Variants in ZNF735 observed in about 807,000 individuals in gnomAD.
ZNF735 encodes putative zinc finger protein 735.
Under a neutral mutation model 13.4 loss-of-function variants are expected in ZNF735, and 11 were observed. The observed-to-expected ratio is 0.82, with a 90% CI of 0.52 to 1.36. The LOEUF is 1.36. Ranked by LOEUF, ZNF735 falls within the 40% of genes most tolerant of loss-of-function variation. ZNF735 has a pLI of 0.00. For synonymous variants in ZNF735, 171 were observed against 162.6 expected, an observed-to-expected ratio of 1.05 and a Z score of -0.39; for missense variants, 500 against 484.6, an observed-to-expected ratio of 1.03 and a Z score of -0.30.
At chr7:64,213,166 G>C in exon 2 of ZNF735, 1 of 1,613,026 alleles carries the variant, frequency 6.2e-7, no homozygotes, top group African/African-American at 1.3e-5. Context: ...ATGCTCAGCA[G>C]AATTTATATA....
chr7:64,219,675 T>A, exon 4 of ZNF735: 2 of 1,586,600 alleles, frequency 1.3e-6, no homozygotes, highest in Non-Finnish European at 1.7e-6. Context: ...TAATTCATAC[T>A]AAGGAGAAGT....
exon 2 of ZNF735, chr7:64,213,197 T>C (rs1446468248): frequency 2.5e-6 from 4 of 1,607,654 alleles, no homozygotes; most frequent in Non-Finnish European, 3.4e-6. Flanking sequence ...GTTAGAGAAC[T>C]ACAGAAACCT....
At chr7:64,218,115 G>C (rs562067160) in intron 3 of ZNF735, among the ~76,000 whole-genome samples, 1 of 151,980 alleles carries the variant, frequency 6.6e-6, no homozygotes, top group Non-Finnish European at 1.5e-5. Flanking sequence ...CACATGCAGT[G>C]CTTATATGCT....
intron 1 of ZNF735, among the ~76,000 whole-genome samples, chr7:64,210,999 T>G (rs1237958735): frequency 6.6e-6 from 1 of 152,210 alleles, no homozygotes; most frequent in East Asian, 1.9e-4. Context: ...AAGAGCAGTG[T>G]CCACTCTGCC....
intron 1 of ZNF735, among the ~76,000 whole-genome samples, chr7:64,211,680 C>G (rs1787361613): frequency 6.6e-6 from 1 of 151,430 alleles, no homozygotes. Context: ...CCTGGCCAAC[C>G]TGGTGAAACC....
At chr7:64,213,772 AATATGGTGAAACTCCGTCT>A (rs1170309658) in intron 2 of ZNF735, among the ~76,000 whole-genome samples, 1 of 152,002 alleles carries the variant, frequency 6.6e-6, no homozygotes, top group African/African-American at 2.4e-5. Flanking sequence ...CAGCCTGGCT[AATATGGTGAAACTCCGTCT>A]CTACTAAAAA....
At chr7:64,207,285 T>C (rs1459012458) in intron 1 of ZNF735, 44 bp downstream of exon 1, 2 of 1,614,092 alleles carry the variant, frequency 1.2e-6, no homozygotes, top group South Asian at 2.2e-5. Context: ...TGGGAGGTGG[T>C]TGGAACCGGC....
exon 4 of ZNF735, chr7:64,220,119 A>G (rs1344145550): frequency 2.5e-6 from 4 of 1,613,622 alleles, no homozygotes; most frequent in Non-Finnish European, 3.4e-6. Flanking sequence ...ACACATGTGA[A>G]GAATGTGGCA....
intron 1 of ZNF735, among the ~76,000 whole-genome samples, chr7:64,208,089 A>C (rs748693213): frequency 8.5e-5 from 13 of 152,128 alleles, no homozygotes; most frequent in Non-Finnish European, 1.3e-4. Context: ...ATGATGAAGC[A>C]AACCAAATGC....
intron 3 of ZNF735, among the ~76,000 whole-genome samples, chr7:64,215,445 C>T (rs1446951921): frequency 6.6e-6 from 1 of 151,244 alleles, no homozygotes; most frequent in Non-Finnish European, 1.5e-5. Context: ...AGCCTTATCA[C>T]ATGTGATTTT....
chr7:64,216,168 C>A (rs1584215270), intron 3 of ZNF735, among the ~76,000 whole-genome samples: 1 of 151,580 alleles, frequency 6.6e-6, no homozygotes, highest in East Asian at 1.9e-4. Context: ...TAGTGGCGGG[C>A]ACCTATAGTC....
intron 1 of ZNF735, among the ~76,000 whole-genome samples, chr7:64,209,305 T>A (rs1451221640): frequency 6.6e-6 from 1 of 151,936 alleles, no homozygotes; most frequent in Non-Finnish European, 1.5e-5. Context: ...TAGTGTTTTA[T>A]CTATCTTATT....
chr7:64,218,774 A>T (rs1327622345), intron 3 of ZNF735, among the ~76,000 whole-genome samples: 1 of 152,188 alleles, frequency 6.6e-6, no homozygotes, highest in Non-Finnish European at 1.5e-5. Flanking sequence ...CTTTCTTGGC[A>T]TAGCCTGAAA....
At chr7:64,210,652 G>C (rs1242505282) in intron 1 of ZNF735, among the ~76,000 whole-genome samples, 1 of 152,192 alleles carries the variant, frequency 6.6e-6, no homozygotes, top group African/African-American at 2.4e-5. Flanking sequence ...TGCGGTTCGT[G>C]CTCCCATTAC....
intron 3 of ZNF735, among the ~76,000 whole-genome samples, chr7:64,216,514 A>T (rs1323339470): frequency 6.6e-6 from 1 of 151,900 alleles, no homozygotes; most frequent in Admixed American, 6.6e-5. Flanking sequence ...GTTTATTTCC[A>T]TATATTTTTG....
chr7:64,211,427 T>C (rs1458939593), intron 1 of ZNF735, among the ~76,000 whole-genome samples: 2 of 152,200 alleles, frequency 1.3e-5, no homozygotes, highest in Admixed American at 1.3e-4. Context: ...TGGCATGTAT[T>C]ACCCAGAAAG....
intron 3 of ZNF735, among the ~76,000 whole-genome samples, chr7:64,215,522 A>C (rs1787409076): frequency 2.6e-5 from 4 of 152,184 alleles, no homozygotes; most frequent in African/African-American, 9.7e-5. Flanking sequence ...GATTGCAGAA[A>C]TTTTGAAGTT....
At chr7:64,220,178 C>G in exon 4 of ZNF735, 1 of 1,613,032 alleles carries the variant, frequency 6.2e-7, no homozygotes, top group Non-Finnish European at 8.5e-7. Context: ...AGAATTCATA[C>G]TGGAGAGAAA....
chr7:64,216,683 A>G (rs1207737211), intron 3 of ZNF735, among the ~76,000 whole-genome samples: 9 of 151,660 alleles, frequency 5.9e-5, no homozygotes, highest in African/African-American at 1.7e-4. Flanking sequence ...TTGGCTCATC[A>G]CAACCTCAAC....
Sources: allele counts gnomAD v4.1 joint callset (sites outside exome capture counted in the v4.1 genomes callset), GRCh38; gene constraint gnomAD v4.1.1; transcripts MANE v1.5; gene names NCBI Gene and HGNC (gene_info 2026-07-23, HGNC 2026-07-21).